C2CD5: variants seen among roughly 807,000 people sequenced by gnomAD.
The protein encoded by C2CD5 is C2 calcium dependent domain containing 5.
C2CD5 carries 109 observed loss-of-function variants against 130.3 expected under a neutral mutation model. The ratio of observed to expected loss-of-function variants is 0.84; its 90% CI spans 0.72 to 0.98. The LOEUF (loss-of-function observed/expected upper bound fraction) is 0.98. Among genes scored for constraint, C2CD5 ranks in the 50% least tolerant of loss-of-function variants. C2CD5 has a pLI of 0.00. For synonymous variants in C2CD5, 454 were observed against 429.2 expected, an observed-to-expected ratio of 1.06 and a Z score of -0.71; for missense variants, 996 against 1,261.8, an observed-to-expected ratio of 0.79 and a Z score of 3.19.
At chr12:22,479,758 A>G (rs1944437670) in intron 14 of C2CD5, among the ~76,000 whole-genome samples, 1 of 152,186 alleles carries the variant, frequency 6.6e-6, no homozygotes, top group South Asian at 2.1e-4. Context: ...GTACTGGAAA[A>G]CTATCATGGG....
At chr12:22,482,109 A>G (rs543438187) in intron 14 of C2CD5, among the ~76,000 whole-genome samples, 1 of 152,192 alleles carries the variant, frequency 6.6e-6, no homozygotes, top group East Asian at 1.9e-4. Context: ...ACATTTGGCA[A>G]TTTCTGAAGA....
intron 15 of C2CD5, among the ~76,000 whole-genome samples, chr12:22,476,827 T>A (rs1332945276): frequency 6.6e-6 from 1 of 152,000 alleles, no homozygotes; most frequent in Non-Finnish European, 1.5e-5. Context: ...AAATAATAAA[T>A]GAAGAATATA....
intron 12 of C2CD5, among the ~76,000 whole-genome samples, chr12:22,486,098 G>A (rs951740736): frequency 6.6e-6 from 1 of 151,566 alleles, no homozygotes; most frequent in Non-Finnish European, 1.5e-5. Context: ...CTATGGGATG[G>A]GTTACTTAAT....
chr12:22,522,654 T>C (rs1395139970), intron 7 of C2CD5, among the ~76,000 whole-genome samples: 1 of 152,192 alleles, frequency 6.6e-6, no homozygotes, highest in Admixed American at 6.5e-5. Flanking sequence ...TATACTCTAT[T>C]TAATTACACT....
intron 8 of C2CD5, chr12:22,514,886 G>A (rs1418559872): frequency 1.8e-5 from 11 of 615,838 alleles, no homozygotes; most frequent in African/African-American, 4.0e-5. Context: ...AAGGCATCTT[G>A]TATAAAATAC....
rs776223823 is a variant in C2CD5, at chr12:22,449,718, T to A, written c.*42A>T. 1 of 1,508,650 alleles carries A rather than the reference T, an allele frequency of 6.6e-7. No homozygotes were observed. The highest frequency in any genetic ancestry group is 2.3e-5 in the East Asian group (1 of 43,794). The allele number at this position is 1,508,650 out of a possible 1,614,324, so 93.5% of individuals were successfully genotyped here. On this transcript the variant is annotated 3_prime_UTR_variant, in exon 27 of 27. Transcript: ENST00000446597. ...TAATTAATGACAAAATAACAGAGATTGATGAATTTCATTTAGTTGAGCTCT... is the reference window on the plus strand; with the variant it reads ...TAATTAATGACAAAATAACAGAGATAGATGAATTTCATTTAGTTGAGCTCT...
At chr12:22,450,494 G>T (rs1295570936) in intron 26 of C2CD5, among the ~76,000 whole-genome samples, 3 of 152,080 alleles carry the variant, frequency 2.0e-5, no homozygotes, top group South Asian at 4.1e-4. Flanking sequence ...AGTGAAAAAT[G>T]ACCTAAAGCT....
intron 8 of C2CD5, among the ~76,000 whole-genome samples, chr12:22,517,445 A>C (rs184929942): frequency 6.6e-6 from 1 of 152,190 alleles, no homozygotes; most frequent in Non-Finnish European, 1.5e-5. Context: ...AATTTAATGA[A>C]CAGAAAAATT....
intron 4 of C2CD5, among the ~76,000 whole-genome samples, chr12:22,527,425 T>C (rs1270542868): frequency 1.3e-5 from 2 of 151,194 alleles, no homozygotes; most frequent in African/African-American, 4.9e-5. Flanking sequence ...TTCAAGTGAT[T>C]CTCCTGCCTC....
intron 10 of C2CD5, among the ~76,000 whole-genome samples, chr12:22,505,193 T>C (rs914236133): frequency 4.6e-5 from 7 of 151,764 alleles, no homozygotes; most frequent in Non-Finnish European, 8.8e-5. Flanking sequence ...TCCTCAAAAA[T>C]AGTCATTATC....
chr12:22,478,333 A>T lies in C2CD5; in HGVS notation c.1882T>A (p.Leu628Ile), dbSNP rs1375646241. Residue 628 changes from leucine to isoleucine, a missense_variant, in exon 15 of 27, where the codon TTA becomes ATA. By Grantham distance (5) the Leu-to-Ile change is conservative. Transcript: ENST00000446597. ...INDTIAKNKE[L>I]YEINPPEISE... ...CTTACTGGAGGATTGATTTCATATAACTCTTTGTTTTTAGCAATTGTGTCA... is the reference window on the plus strand; with the variant it reads ...CTTACTGGAGGATTGATTTCATATATCTCTTTGTTTTTAGCAATTGTGTCA... 6.2e-7 allele frequency: 1 copy of T among 1,611,968 alleles called. No homozygotes were observed. The highest frequency in any genetic ancestry group is 1.7e-5 in the Admixed American group (1 of 59,968).
rs1404191952 is a variant in C2CD5 at position 22,448,985 on chromosome 12, T to A, written c.*775A>T. On this transcript the variant is annotated 3_prime_UTR_variant, in exon 27 of 27. Coordinates refer to ENST00000446597, the MANE Select transcript of C2CD5 (RefSeq NM_001286176.2). ...TTATGTTCCTACTAAGTCAACTGCA[T>A]TTTTACTACTTTAACAAAATTCACT... 1.3e-5 allele frequency: 2 copies of A among 152,402 alleles called. No individual in the cohort carries two copies. The highest frequency in any genetic ancestry group is 4.8e-5 in the African/African-American group (2 of 41,456). The allele number at this position is 152,402 out of a possible 1,614,324, so 9.4% of individuals were successfully genotyped here.
At position 22,544,427 on chromosome 12, in the gene C2CD5, T is replaced by C. The variant is rs1952752791; in HGVS notation, c.-137A>G. On this transcript the variant is annotated 5_prime_UTR_variant, in exon 1 of 27. Transcript: ENST00000446597. The stretch of plus-strand genomic sequence containing the variant: ...TTCTTCCGTCCCGGCCCCACAAGGC[T>C]GGGACGAAAAGCAAAACCCAGTCAG... 1 of 313,924 alleles carries C rather than the reference T, an allele frequency of 3.2e-6. No individual in the cohort carries two copies. The highest frequency in any genetic ancestry group is 5.8e-6 in the Non-Finnish European group (1 of 171,880). The allele number at this position is 313,924 out of a possible 1,614,324, so 19.4% of individuals were successfully genotyped here.
At chr12:22,509,511 C>G (rs775835879) in intron 9 of C2CD5, among the ~76,000 whole-genome samples, 1 of 152,124 alleles carries the variant, frequency 6.6e-6, no homozygotes. Context: ...TTCACCTAAT[C>G]GGCACACCAA....
chr12:22,467,295 G>C (rs1215024273), intron 22 of C2CD5, among the ~76,000 whole-genome samples: 1 of 151,966 alleles, frequency 6.6e-6, no homozygotes, highest in East Asian at 1.9e-4. Flanking sequence ...CCGGCTTCCT[G>C]AGTAGCTGGG....
Position 22,542,945 on chromosome 12 carries a change from C to T in C2CD5, c.90+1116G>A, listed in dbSNP as rs150907188. ...CTGTGTGGGTCAATGTCTGAACTAC[C>T]GGAAAGCAAACACTATGTTTTAGTT... On this transcript the variant is annotated intron_variant, in intron 2 of 26. Transcript: ENST00000446597. Among the ~76,000 whole-genome samples, 357 of 152,258 alleles carry T rather than the reference C, an allele frequency of 2.3e-3. 3 individuals carry two copies. Among genetic ancestry groups the T allele is most frequent in the African/African-American group, 8.2e-3 (340 of 41,552 alleles).
At chr12:22,514,353 A>G (rs1173496496) in intron 8 of C2CD5, among the ~76,000 whole-genome samples, 1 of 152,192 alleles carries the variant, frequency 6.6e-6, no homozygotes, top group African/African-American at 2.4e-5. Context: ...CCTAAAAACA[A>G]AAAAATGGTT....
intron 12 of C2CD5, among the ~76,000 whole-genome samples, chr12:22,487,432 C>T (rs1168153924): frequency 6.6e-6 from 1 of 152,148 alleles, no homozygotes; most frequent in Non-Finnish European, 1.5e-5. Context: ...ATTTATGCAG[C>T]CAAAAGACAC....
At chr12:22,470,563 T>C (rs531158978) in intron 21 of C2CD5, among the ~76,000 whole-genome samples, 2 of 152,194 alleles carry the variant, frequency 1.3e-5, no homozygotes, top group African/African-American at 4.8e-5. Flanking sequence ...ACTGCAGAAT[T>C]AATAGGCTAT....
Sources: gnomAD v4.1 joint callset for allele counts (sites outside exome capture counted in the v4.1 genomes callset) on GRCh38, gnomAD v4.1.1 for gene constraint, MANE v1.5 for transcripts, NCBI Gene and HGNC (gene_info 2026-07-23, HGNC 2026-07-21) for gene names.